CCBE1: variants seen among roughly 807,000 people sequenced by gnomAD.
CCBE1 encodes collagen and calcium binding EGF domains 1.
Under a neutral mutation model 50.0 loss-of-function variants are expected in CCBE1, and 37 were observed. That is an observed-to-expected ratio of 0.74 (90% confidence interval 0.57 to 0.97). CCBE1 has a LOEUF of 0.97. CCBE1 is among the 50% of genes least tolerant of loss of function. The probability of loss-of-function intolerance (pLI) is 0.00; values close to 1 mark genes in which losing one functional copy is unlikely to be tolerated. For missense variants in CCBE1, 538 were observed against 523.8 expected (o/e 1.03, Z -0.26); for synonymous variants, 234 against 203.7 (o/e 1.15, Z -1.27).
At position 59,661,202 on chromosome 18, in the gene CCBE1, T is replaced by A. The variant is rs562852460; in HGVS notation, c.212+35427A>T. On this transcript the variant is annotated intron_variant, in intron 2 of 10. Transcript: ENST00000439986. ...TGCAGACTGGAGACCAACAACACAGTAAATATTTTTGGTCTAGCACAAAAG... is the reference window on the plus strand; with the variant it reads ...TGCAGACTGGAGACCAACAACACAGAAAATATTTTTGGTCTAGCACAAAAG... 2.7e-5 allele frequency among the ~76,000 whole-genome samples: 4 copies of A among 150,488 alleles called. No individual in the cohort carries two copies. The South Asian group carries it at 8.5e-4, about 32-fold the overall frequency.
At chr18:59,583,816 A>G (rs1166057438) in intron 2 of CCBE1, among the ~76,000 whole-genome samples, 4 of 152,128 alleles carry the variant, frequency 2.6e-5, no homozygotes, top group South Asian at 2.1e-4. Flanking sequence ...ACAAACTGAT[A>G]TGGTTTGGAT....
intron 2 of CCBE1, among the ~76,000 whole-genome samples, chr18:59,511,755 G>C (rs896440504): frequency 6.6e-6 from 1 of 152,180 alleles, no homozygotes; most frequent in Non-Finnish European, 1.5e-5. Context: ...CTTCATAAGA[G>C]ATTGATGTCA....
intron 2 of CCBE1, among the ~76,000 whole-genome samples, chr18:59,684,009 C>T (rs909662492): frequency 6.6e-6 from 1 of 152,092 alleles, no homozygotes; most frequent in Non-Finnish European, 1.5e-5. Context: ...CTAGAGCACC[C>T]TTTTTCATTG....
intron 2 of CCBE1, among the ~76,000 whole-genome samples, chr18:59,622,852 T>C (rs1248399611): frequency 7.1e-5 from 10 of 141,410 alleles, no homozygotes; most frequent in Admixed American, 5.6e-4. Flanking sequence ...GATGCCAGGG[T>C]CTGGGGGAGG....
At chr18:59,697,477 G>A (rs1490086137), upstream of CCBE1, 3 of 1,145,236 alleles carry the variant, frequency 2.6e-6, no homozygotes, top group Admixed American at 2.7e-5. Flanking sequence ...CACCTGCACG[G>A]GGAGCAGGGG....
intron 2 of CCBE1, among the ~76,000 whole-genome samples, chr18:59,502,693 C>T (rs557312671): frequency 4.0e-5 from 6 of 151,246 alleles, no homozygotes; most frequent in South Asian, 2.1e-4. Context: ...CCCCTCCCCC[C>T]GCAAAAAAAA....
chr18:59,630,847 A>G (rs555190715), intron 2 of CCBE1, among the ~76,000 whole-genome samples: 26 of 152,284 alleles, frequency 1.7e-4, no homozygotes, highest in African/African-American at 6.0e-4. Flanking sequence ...TGGCCTCCCT[A>G]CCTAACAACT....
At chr18:59,682,991 C>G (rs961072857) in intron 2 of CCBE1, among the ~76,000 whole-genome samples, 1 of 152,218 alleles carries the variant, frequency 6.6e-6, no homozygotes, top group Non-Finnish European at 1.5e-5. Flanking sequence ...CAAATAATCC[C>G]TCTGTCTTCT....
intron 2 of CCBE1, among the ~76,000 whole-genome samples, chr18:59,583,126 A>T (rs2053110822): frequency 6.6e-6 from 1 of 152,182 alleles, no homozygotes; most frequent in Non-Finnish European, 1.5e-5. Context: ...GCTGGTAACC[A>T]TTTTTTAAGG....
intron 2 of CCBE1, among the ~76,000 whole-genome samples, chr18:59,627,448 C>T (rs77046353): frequency 1.1e-4 from 17 of 152,220 alleles, no homozygotes; most frequent in Non-Finnish European, 2.1e-4. Context: ...ACTGTGTCCC[C>T]CAAAAAGACA....
At chr18:59,579,050 T>C (rs2053045294) in intron 2 of CCBE1, among the ~76,000 whole-genome samples, 1 of 152,140 alleles carries the variant, frequency 6.6e-6, no homozygotes, top group Non-Finnish European at 1.5e-5. Context: ...TAAAGACAGA[T>C]TTCAGCCCCA....
At chr18:59,449,170 C>T (rs1910815659) in intron 6 of CCBE1, among the ~76,000 whole-genome samples, 1 of 152,176 alleles carries the variant, frequency 6.6e-6, no homozygotes, top group African/African-American at 2.4e-5. Context: ...CTGCCACTTT[C>T]TACCTGTGGG....
chr18:59,696,828 C>T (rs942724931), intron 1 of CCBE1, 119 bp from the exon 2 acceptor site: 42 of 1,128,292 alleles, frequency 3.7e-5, no homozygotes, highest in Non-Finnish European at 5.4e-5. Context: ...GCGCTCTGGG[C>T]AGGGGCTGGT....
chr18:59,532,269 C>T (rs1915082204), intron 2 of CCBE1, among the ~76,000 whole-genome samples: 1 of 152,128 alleles, frequency 6.6e-6, no homozygotes, highest in South Asian at 2.1e-4. Context: ...TGATCTCGAA[C>T]TTCTAACTTA....
rs1910326363 is a variant in CCBE1, at chr18:59,439,683, G to A, written c.909C>T (p.Gly303=). The A allele has an allele frequency of 6.2e-7, 1 of 1,614,098 alleles. No homozygotes were observed. The highest frequency in any genetic ancestry group is 1.3e-5 in the African/African-American group (1 of 74,944). Residue 303 remains glycine, a synonymous_variant, in exon 8 of 11, where the codon GGC becomes GGT. Transcript: ENST00000439986. ...DLSHIKQGRR[G]PVGPPGAPGR... ...TCTCTGATAAGATACTGACCACAGG[G>A]CCCCTCCGGCCTTGCTTAATGTGGG...
intron 2 of CCBE1, among the ~76,000 whole-genome samples, chr18:59,673,817 T>C (rs998434051): frequency 1.3e-5 from 2 of 152,210 alleles, no homozygotes; most frequent in African/African-American, 4.8e-5. Context: ...AGATAAGCTT[T>C]TGGATGTGCT....
chr18:59,650,639 G>A (rs1226449133), intron 2 of CCBE1, among the ~76,000 whole-genome samples: 5 of 151,258 alleles, frequency 3.3e-5, no homozygotes, highest in Non-Finnish European at 7.4e-5. Context: ...AGCTCACCAC[G>A]CATTCCAGAA....
intron 2 of CCBE1, among the ~76,000 whole-genome samples, chr18:59,627,822 G>GC (rs1055919385): frequency 2.0e-5 from 3 of 152,156 alleles, no homozygotes; most frequent in African/African-American, 7.2e-5. Flanking sequence ...ATACATTTCT[G>GC]TTTTTTTAAG....
At chr18:59,682,116 C>G (rs1269038694) in intron 2 of CCBE1, among the ~76,000 whole-genome samples, 1 of 152,204 alleles carries the variant, frequency 6.6e-6, no homozygotes, top group Non-Finnish European at 1.5e-5. Context: ...GTAATCCCAG[C>G]ACTTTGGGAG....
Sources: gnomAD v4.1 joint callset for allele counts (sites outside exome capture counted in the v4.1 genomes callset) on GRCh38, gnomAD v4.1.1 for gene constraint, MANE v1.5 for transcripts, NCBI Gene and HGNC (gene_info 2026-07-23, HGNC 2026-07-21) for gene names.